FER: variants seen among roughly 807,000 people sequenced by gnomAD.
The protein encoded by FER is FER tyrosine kinase, also known as tyrosine-protein kinase Fer.
Under a neutral mutation model 111.0 loss-of-function variants are expected in FER, and 63 were observed. The ratio of observed to expected loss-of-function variants is 0.57; its 90% CI spans 0.46 to 0.70. The LOEUF (loss-of-function observed/expected upper bound fraction) is 0.70, where lower values mean the gene tolerates loss of function less well. FER is among the 30% of genes least tolerant of loss of function. The probability of loss-of-function intolerance (pLI) is 0.00; values close to 1 mark genes in which losing one functional copy is unlikely to be tolerated. For synonymous variants in FER, 327 were observed against 313.9 expected (o/e 1.04, Z -0.44); for missense variants, 914 against 954.0 (o/e 0.96, Z 0.55).
intron 8 of FER, among the ~76,000 whole-genome samples, chr5:108,882,281 G>T (rs551438116): frequency 6.6e-6 from 1 of 151,508 alleles, no homozygotes; most frequent in South Asian, 2.1e-4. Context: ...ATGTATAATT[G>T]TTTCCATTAA....
chr5:108,857,038 T>C (rs1161699056), intron 5 of FER, among the ~76,000 whole-genome samples: 1 of 152,088 alleles, frequency 6.6e-6, no homozygotes, highest in Non-Finnish European at 1.5e-5. Flanking sequence ...CCTAGAGAAA[T>C]GTTGAAAGAA....
At chr5:108,801,401 GATA>G (rs1313005656) in intron 3 of FER, among the ~76,000 whole-genome samples, 1 of 152,098 alleles carries the variant, frequency 6.6e-6, no homozygotes, top group African/African-American at 2.4e-5. Context: ...TTTGTTCCTT[GATA>G]ATAATATCAA....
intron 10 of FER, among the ~76,000 whole-genome samples, chr5:108,914,342 A>G (rs1328039909): frequency 6.6e-6 from 1 of 151,996 alleles, no homozygotes; most frequent in African/African-American, 2.4e-5. Context: ...TTTAAACCAT[A>G]TATGCCATAC....
intron 17 of FER, among the ~76,000 whole-genome samples, chr5:109,108,622 T>G: frequency 6.6e-6 from 1 of 152,152 alleles, no homozygotes; most frequent in East Asian, 1.9e-4. Context: ...ACAGTGGAAT[T>G]GGGTTCATGA....
chr5:108,791,619 C>G (rs1223594685), intron 2 of FER, among the ~76,000 whole-genome samples: 1 of 146,582 alleles, frequency 6.8e-6, no homozygotes, highest in South Asian at 2.2e-4. Flanking sequence ...ATATTTTCTC[C>G]CATTCTGTAG....
rs1581804699 is a variant in FER, at chr5:109,051,494, C to T, written c.1924+4296C>T. On this transcript the variant is annotated intron_variant, in intron 16 of 19. Coordinates refer to ENST00000281092, the MANE Select transcript of FER (RefSeq NM_005246.4). ...TGGGAGTTAGAGATGGTGCTTCCCG[C>T]CTGCCCCATTCGATTTTGTTCTGCA... is the stretch of plus-strand genomic sequence containing the variant. The T allele has an allele frequency of 6.8e-6, 11 of 1,611,662 alleles. No homozygotes were observed. In the East Asian group the frequency reaches 2.5e-4, roughly 36 times the overall value.
intron 16 of FER, among the ~76,000 whole-genome samples, chr5:109,067,874 G>T (rs554350277): frequency 6.6e-6 from 1 of 152,032 alleles, no homozygotes; most frequent in Admixed American, 6.6e-5. Context: ...AGTGGCTCCC[G>T]GTGGAGTCTG....
At chr5:109,030,020 C>G (rs1480669247) in intron 13 of FER, among the ~76,000 whole-genome samples, 1 of 151,970 alleles carries the variant, frequency 6.6e-6, no homozygotes, top group Non-Finnish European at 1.5e-5. Flanking sequence ...AATCTATTTT[C>G]TCTTTGTTGT....
intron 8 of FER, among the ~76,000 whole-genome samples, chr5:108,877,976 G>A (rs1467621464): frequency 6.6e-6 from 1 of 151,926 alleles, no homozygotes; most frequent in Non-Finnish European, 1.5e-5. Context: ...CGCAATCTCT[G>A]CTCACTGCAG....
chr5:108,760,160 T>TG (rs1561376443), intron 1 of FER, among the ~76,000 whole-genome samples: 1 of 148,648 alleles, frequency 6.7e-6, no homozygotes, highest in African/African-American at 2.5e-5. Flanking sequence ...AGTCTTCTGT[T>TG]TTTTTTTTTT....
At chr5:109,012,986 G>A (rs895411693) in intron 13 of FER, among the ~76,000 whole-genome samples, 6 of 151,036 alleles carry the variant, frequency 4.0e-5, no homozygotes, top group South Asian at 2.1e-4. Context: ...CGTGTGGAGC[G>A]GAATTACCTG....
intron 1 of FER, among the ~76,000 whole-genome samples, chr5:108,766,862 C>T (rs937231749): frequency 1.3e-5 from 2 of 152,204 alleles, no homozygotes; most frequent in Non-Finnish European, 2.9e-5. Flanking sequence ...AAAAGTGAGA[C>T]GTTGTAACAG....
chr5:109,080,518 T>G (rs1776867234), intron 16 of FER, among the ~76,000 whole-genome samples: 1 of 152,150 alleles, frequency 6.6e-6, no homozygotes. Context: ...AAAGTCATCT[T>G]TTGTTGAATC....
At chr5:108,769,058 C>G (rs772230425) in intron 2 of FER, among the ~76,000 whole-genome samples, 11 of 152,094 alleles carry the variant, frequency 7.2e-5, no homozygotes, top group Non-Finnish European at 1.2e-4. Context: ...AACTCCTGAC[C>G]TCAGATGATC....
rs557092389 is a variant in FER at position 108,763,870 on chromosome 5, C to T, written c.-205-4223C>T. On this transcript the variant is annotated intron_variant, in intron 1 of 19. Transcript: ENST00000281092. ...TTTCAGACATTTCTCCGTTTCTCTT[C>T]TCTTGGTTCTTTGTTTGGGTTGCTT... 1.2e-4 allele frequency among the ~76,000 whole-genome samples: 19 copies of T among 152,290 alleles called. No homozygotes were observed. The South Asian group carries it at 2.1e-3, about 17-fold the overall frequency.
intron 16 of FER, among the ~76,000 whole-genome samples, chr5:109,052,614 C>T (rs1230042066): frequency 6.6e-6 from 1 of 152,192 alleles, no homozygotes; most frequent in Non-Finnish European, 1.5e-5. Flanking sequence ...TTTCCTCACA[C>T]CTTCCCCCAA....
chr5:108,984,577 C>A (rs1271124148), intron 13 of FER, among the ~76,000 whole-genome samples: 1 of 150,716 alleles, frequency 6.6e-6, no homozygotes, highest in African/African-American at 2.4e-5. Context: ...TTTTTTTTTA[C>A]ATTCTGTATT....
At chr5:108,749,109 G>C (rs1032498075) in intron 1 of FER, 3 of 152,376 alleles carry the variant, frequency 2.0e-5, no homozygotes, top group East Asian at 3.9e-4. Context: ...TGCCCGCAGA[G>C]GGGCGCCCGG....
chr5:108,766,640 T>A (rs1417269585), intron 1 of FER, among the ~76,000 whole-genome samples: 1 of 152,240 alleles, frequency 6.6e-6, no homozygotes, highest in Non-Finnish European at 1.5e-5. Context: ...AGAATATGCC[T>A]GACATACTGT....
Sources: gnomAD v4.1 joint callset for allele counts (sites outside exome capture counted in the v4.1 genomes callset) on GRCh38, gnomAD v4.1.1 for gene constraint, MANE v1.5 for transcripts, NCBI Gene and HGNC (gene_info 2026-07-23, HGNC 2026-07-21) for gene names.